OPCML: variants seen among roughly 807,000 people sequenced by gnomAD.
The protein encoded by OPCML is opioid-binding protein/cell adhesion molecule.
Under a neutral mutation model 37.8 loss-of-function variants are expected in OPCML, and 13 were observed. That is an observed-to-expected ratio of 0.34 (90% confidence interval 0.22 to 0.55). The LOEUF (loss-of-function observed/expected upper bound fraction) is 0.55, where lower values mean the gene tolerates loss of function less well. OPCML is among the 20% of genes least tolerant of loss of function. The pLI, the probability that OPCML is intolerant of heterozygous loss-of-function variation, is 0.91. For synonymous variants in OPCML, 176 were observed against 168.8 expected (o/e 1.04, Z -0.33); for missense variants, 341 against 435.6 (o/e 0.78, Z 1.93).
At chr11:132,904,774 C>T (rs1004969315) in intron 2 of OPCML, among the ~76,000 whole-genome samples, 9 of 152,174 alleles carry the variant, frequency 5.9e-5, no homozygotes, top group African/African-American at 1.9e-4. Flanking sequence ...GTTAGCAGCC[C>T]GCACCCTGGG....
intron 2 of OPCML, among the ~76,000 whole-genome samples, chr11:132,932,360 G>A (rs2136635278): frequency 6.6e-6 from 1 of 152,224 alleles, no homozygotes; most frequent in African/African-American, 2.4e-5. Context: ...ACTTTTTGGG[G>A]TAACAAAAAT....
intron 2 of OPCML, among the ~76,000 whole-genome samples, chr11:132,846,922 T>C (rs1431842660): frequency 6.6e-6 from 1 of 152,178 alleles, no homozygotes; most frequent in Non-Finnish European, 1.5e-5. Context: ...TTTAAAATTG[T>C]AATATAAGGT....
At chr11:132,460,693 C>G (rs1432563210) in intron 4 of OPCML, among the ~76,000 whole-genome samples, 1 of 152,190 alleles carries the variant, frequency 6.6e-6, no homozygotes, top group African/African-American at 2.4e-5. Flanking sequence ...TGCACTTCAA[C>G]AGCTCCAGAG....
chr11:132,739,036 C>T (rs1465358344), intron 2 of OPCML, among the ~76,000 whole-genome samples: 1 of 152,162 alleles, frequency 6.6e-6, no homozygotes, highest in East Asian at 1.9e-4. Context: ...CAGGCTTAGA[C>T]CCTTAATAAC....
intron 2 of OPCML, among the ~76,000 whole-genome samples, chr11:132,700,013 C>CT (rs35588558): frequency 0.53 from 80,206 of 151,690 alleles, 21,441 homozygotes; most frequent in African/African-American, 0.59. Context: ...CTGATTCAAT[C>CT]CTTGTAATTG....
At chr11:133,243,010 T>C (rs1198490331) in intron 1 of OPCML, among the ~76,000 whole-genome samples, 1 of 152,146 alleles carries the variant, frequency 6.6e-6, no homozygotes. Flanking sequence ...CTGTCTCTGT[T>C]TGGTCTTCTC....
intron 1 of OPCML, among the ~76,000 whole-genome samples, chr11:133,414,448 C>G (rs1022424358): frequency 6.6e-6 from 1 of 152,150 alleles, no homozygotes; most frequent in Admixed American, 6.5e-5. Flanking sequence ...TGCTTTCAGT[C>G]ATTCTCCCAT....
chr11:132,552,999 C>T (rs2096385825), intron 3 of OPCML, among the ~76,000 whole-genome samples: 1 of 152,032 alleles, frequency 6.6e-6, no homozygotes, highest in South Asian at 2.1e-4. Flanking sequence ...CTCCTGACCT[C>T]GTGATCCACC....
At chr11:132,543,862 A>T (rs1284369575) in intron 3 of OPCML, among the ~76,000 whole-genome samples, 1 of 152,154 alleles carries the variant, frequency 6.6e-6, no homozygotes. Context: ...AGCTTCCCAA[A>T]TAATTATTAT....
chr11:132,418,446 G>A lies in OPCML; in HGVS notation c.*1747C>T, dbSNP rs1445551938. On this transcript the variant is annotated 3_prime_UTR_variant, in exon 8 of 8. Transcript: ENST00000524381. ...GGTCTGCTTTGAACCTGAAGAGCTG[G>A]TGAAGTTCTTCCCCAAAGCCATTGG... 2.0e-5 allele frequency: 3 copies of A among 152,758 alleles called. No individual in the cohort carries two copies. The East Asian group carries it at 5.8e-4, about 29-fold the overall frequency. 9.5% of individuals were successfully genotyped at this position (152,758 alleles called of 1,614,324 possible).
intron 1 of OPCML, chr11:133,006,753 T>C (rs990388522): frequency 2.6e-5 from 26 of 985,434 alleles, no homozygotes; most frequent in Non-Finnish European, 3.1e-5. Flanking sequence ...CACCTAGACA[T>C]TGGCCTGACA....
rs11828509 is a variant in OPCML at position 133,525,111 on chromosome 11, T to C, written c.61+7153A>G. 6.2e-3 allele frequency among the ~76,000 whole-genome samples: 947 copies of C among 152,260 alleles called. 9 individuals are homozygous for C. Among genetic ancestry groups the C allele is most frequent in the African/African-American group, 0.022 (905 of 41,540 alleles). On this transcript the variant is annotated intron_variant, in intron 1 of 7. Coordinates refer to ENST00000524381, the MANE Select transcript of OPCML (RefSeq NM_001012393.5). The stretch of plus-strand genomic sequence containing the variant: ...GAAAGAGAGACATAAAACCAAGAAT[T>C]AGTTTGAAATACATGGACTCACAGT...
intron 3 of OPCML, among the ~76,000 whole-genome samples, chr11:132,637,233 T>G (rs548494334): frequency 2.4e-4 from 37 of 152,100 alleles, no homozygotes; most frequent in Non-Finnish European, 4.7e-4. Flanking sequence ...CAACAGTCCC[T>G]TACTGATGAT....
intron 1 of OPCML, among the ~76,000 whole-genome samples, chr11:132,996,844 A>T (rs1264212274): frequency 6.6e-6 from 1 of 152,176 alleles, no homozygotes; most frequent in Non-Finnish European, 1.5e-5. Flanking sequence ...TATTTTAAAC[A>T]TATAATTGAT....
At chr11:133,061,258 G>C (rs1008849252) in intron 1 of OPCML, among the ~76,000 whole-genome samples, 1 of 152,292 alleles carries the variant, frequency 6.6e-6, no homozygotes, top group Middle Eastern at 3.4e-3. Context: ...AACTGTCTAC[G>C]TCTCCAAAAA....
chr11:133,456,652 G>A (rs973355701), intron 1 of OPCML, among the ~76,000 whole-genome samples: 2 of 152,006 alleles, frequency 1.3e-5, no homozygotes, highest in Non-Finnish European at 1.5e-5. Context: ...ACAGGAAAAT[G>A]TGGACAAAGA....
At chr11:132,559,850 G>A (rs1269973030) in intron 3 of OPCML, among the ~76,000 whole-genome samples, 3 of 152,204 alleles carry the variant, frequency 2.0e-5, no homozygotes, top group Non-Finnish European at 4.4e-5. Context: ...GACAGCATAT[G>A]CCTCCTGGTT....
chr11:133,400,649 G>A (rs1945382668), intron 1 of OPCML, among the ~76,000 whole-genome samples: 2 of 152,244 alleles, frequency 1.3e-5, no homozygotes, highest in South Asian at 4.1e-4. Flanking sequence ...ATTAAAAAAT[G>A]TAAATGTAGA....
In OPCML at chr11:132,999,278, C is replaced by T. The variant is rs1199889205; in HGVS notation, c.62-56268G>A. Among the ~76,000 whole-genome samples the T allele has an allele frequency of 7.2e-5, 11 of 152,148 alleles. No individual in the cohort carries two copies. In the South Asian group the frequency reaches 1.0e-3, roughly 14 times the overall value. On this transcript the variant is annotated intron_variant, in intron 1 of 7. Transcript: ENST00000524381. ...CTCCCCAGGTGGCGAGACCCCCTCT[C>T]GCCCCAGCCCCCTCCCTAGCAATGA...
Sources: gnomAD v4.1 joint callset for allele counts (sites outside exome capture counted in the v4.1 genomes callset) on GRCh38, gnomAD v4.1.1 for gene constraint, MANE v1.5 for transcripts, NCBI Gene and HGNC (gene_info 2026-07-23, HGNC 2026-07-21) for gene names.